ATF6: variants seen among roughly 807,000 people sequenced by gnomAD.
ATF6 encodes the protein activating transcription factor 6, also known as cyclic AMP-dependent transcription factor ATF-6 alpha.
ATF6 carries 53 observed loss-of-function variants against 83.6 expected under a neutral mutation model. The ratio of observed to expected loss-of-function variants is 0.63; its 90% CI spans 0.51 to 0.80. The LOEUF is 0.80. Ranked by LOEUF, ATF6 falls within the 30% of genes least tolerant of loss-of-function variation. The probability of loss-of-function intolerance (pLI) is 0.00; values close to 1 mark genes in which losing one functional copy is unlikely to be tolerated. For missense variants in ATF6, 744 were observed against 797.9 expected (o/e 0.93, Z 0.81); for synonymous variants, 288 against 285.8 (o/e 1.01, Z -0.08).
At chr1:161,882,295 T>C (rs1308677897) in intron 14 of ATF6, among the ~76,000 whole-genome samples, 1 of 152,118 alleles carries the variant, frequency 6.6e-6, no homozygotes, top group Non-Finnish European at 1.5e-5. Context: ...GCAGAAGATA[T>C]TGCCAAACCA....
intron 15 of ATF6, among the ~76,000 whole-genome samples, chr1:161,937,865 T>G (rs960695706): frequency 3.4e-5 from 5 of 146,362 alleles, no homozygotes; most frequent in African/African-American, 7.5e-5. Flanking sequence ...GTTCTGCACA[T>G]GTATCCCAGA....
At chr1:161,808,927 A>G (rs532881849) in intron 7 of ATF6, among the ~76,000 whole-genome samples, 1 of 152,264 alleles carries the variant, frequency 6.6e-6, no homozygotes, top group Admixed American at 6.5e-5. Context: ...CCTACTTCAT[A>G]GGGGTGCCAT....
intron 8 of ATF6, 37 bp downstream of exon 8, chr1:161,819,855 A>G: frequency 6.5e-7 from 1 of 1,528,156 alleles, no homozygotes; most frequent in Non-Finnish European, 8.8e-7. Flanking sequence ...GAGATGGGCT[A>G]AAGTATCCTC....
At chr1:161,782,834 A>G (rs1684668410) in intron 3 of ATF6, among the ~76,000 whole-genome samples, 1 of 152,138 alleles carries the variant, frequency 6.6e-6, no homozygotes, top group African/African-American at 2.4e-5. Context: ...AGCAACAACC[A>G]TTTTATTAGA....
intron 14 of ATF6, chr1:161,892,084 A>G (rs186758216): frequency 9.2e-5 from 14 of 152,316 alleles, no homozygotes; most frequent in Non-Finnish European, 2.9e-5. Flanking sequence ...TGCTCCTTTT[A>G]CAGCATCATT....
At chr1:161,952,177 T>C (rs1317193426) in intron 15 of ATF6, among the ~76,000 whole-genome samples, 1 of 152,100 alleles carries the variant, frequency 6.6e-6, no homozygotes, top group East Asian at 1.9e-4. Flanking sequence ...TCCATCTATC[T>C]CTTTTCTACA....
At chr1:161,801,261 A>G (rs1393366994) in intron 6 of ATF6, among the ~76,000 whole-genome samples, 2 of 151,756 alleles carry the variant, frequency 1.3e-5, no homozygotes, top group Non-Finnish European at 2.9e-5. Context: ...AAGGGCTGGT[A>G]TCATCTACAG....
intron 2 of ATF6, among the ~76,000 whole-genome samples, chr1:161,780,056 G>A (rs1388253316): frequency 6.6e-6 from 1 of 152,006 alleles, no homozygotes; most frequent in Non-Finnish European, 1.5e-5. Flanking sequence ...TTAATTTTTT[G>A]ATGTGAAGAT....
chr1:161,805,579 G>A (rs1685259584), intron 7 of ATF6, among the ~76,000 whole-genome samples: 1 of 152,132 alleles, frequency 6.6e-6, no homozygotes, highest in Non-Finnish European at 1.5e-5. Flanking sequence ...GGAACCCAAA[G>A]TAAATCTGTT....
chr1:161,954,255 C>T (rs2101921395), intron 15 of ATF6, among the ~76,000 whole-genome samples: 1 of 152,154 alleles, frequency 6.6e-6, no homozygotes, highest in Middle Eastern at 3.4e-3. Flanking sequence ...TTCCCGCCTC[C>T]CTTGTTTTTC....
intron 14 of ATF6, among the ~76,000 whole-genome samples, chr1:161,911,241 C>G (rs1170220623): frequency 1.3e-5 from 2 of 152,158 alleles, no homozygotes; most frequent in African/African-American, 4.8e-5. Flanking sequence ...AGTTTTATCT[C>G]CAGTTTAACC....
intron 10 of ATF6, among the ~76,000 whole-genome samples, chr1:161,851,137 A>C (rs1686608008): frequency 1.3e-5 from 1 of 77,698 alleles, no homozygotes; most frequent in Non-Finnish European, 2.9e-5. Context: ...CCCTATCCTT[A>C]ACATACACAC....
chr1:161,836,430 T>C (rs770583187), intron 9 of ATF6, among the ~76,000 whole-genome samples: 22 of 152,226 alleles, frequency 1.4e-4, no homozygotes, highest in Non-Finnish European at 2.9e-4. Context: ...TAAAAGTACT[T>C]TCCACATTTA....
intron 9 of ATF6, among the ~76,000 whole-genome samples, chr1:161,845,576 T>C (rs1686465655): frequency 6.6e-6 from 1 of 152,018 alleles, no homozygotes; most frequent in African/African-American, 2.4e-5. Flanking sequence ...GAGACTAGTC[T>C]GGGCAACATA....
intron 7 of ATF6, among the ~76,000 whole-genome samples, chr1:161,811,653 T>C (rs1329598262): frequency 6.6e-6 from 1 of 152,082 alleles, no homozygotes; most frequent in African/African-American, 2.4e-5. Context: ...TTGCTTATTC[T>C]TTATCTACCT....
chr1:161,896,573 G>A (rs116656658), intron 14 of ATF6, among the ~76,000 whole-genome samples: 278 of 152,256 alleles, frequency 1.8e-3, no homozygotes, highest in African/African-American at 6.2e-3. Context: ...AGAATGTTGT[G>A]TTATTTTTCC....
At chr1:161,771,408 T>C (rs1684386093) in intron 1 of ATF6, among the ~76,000 whole-genome samples, 1 of 152,212 alleles carries the variant, frequency 6.6e-6, no homozygotes. Context: ...CAACTTCCCG[T>C]AATGCCCCGG....
intron 1 of ATF6, among the ~76,000 whole-genome samples, chr1:161,777,076 G>T (rs1438357874): frequency 6.6e-6 from 1 of 152,214 alleles, no homozygotes; most frequent in Non-Finnish European, 1.5e-5. Context: ...GGTCAAGTAA[G>T]ATGAGGACTA....
At chr1:161,787,524 G>T (rs1020281232) in intron 4 of ATF6, among the ~76,000 whole-genome samples, 1 of 151,922 alleles carries the variant, frequency 6.6e-6, no homozygotes, top group Non-Finnish European at 1.5e-5. Flanking sequence ...ATGCCAGGCC[G>T]CCTGCCATAT....
Sources: gnomAD v4.1 joint callset for allele counts (sites outside exome capture counted in the v4.1 genomes callset) on GRCh38, gnomAD v4.1.1 for gene constraint, MANE v1.5 for transcripts, NCBI Gene and HGNC (gene_info 2026-07-23, HGNC 2026-07-21) for gene names.